RLN1: variants seen among roughly 807,000 people sequenced by gnomAD.
RLN1 encodes prorelaxin H1.
In RLN1, 4 loss-of-function variants were observed where a neutral mutation model predicts 7.2. The observed-to-expected ratio is 0.56, with a 90% CI of 0.28 to 1.28. The LOEUF is 1.28. Among genes scored for constraint, RLN1 ranks in the 50% most tolerant of loss-of-function variants. The pLI is 0.11. For missense variants in RLN1, 293 were observed against 221.1 expected (o/e 1.32, Z -2.06); for synonymous variants, 105 against 86.0 (o/e 1.22, Z -1.22).
At chr9:5,337,363 G>T (rs1816918267) in intron 1 of RLN1, among the ~76,000 whole-genome samples, 1 of 151,952 alleles carries the variant, frequency 6.6e-6, no homozygotes, top group African/African-American at 2.4e-5. Flanking sequence ...TTTTAAACCT[G>T]TTTTGAAATA....
Position 5,339,651 on chromosome 9 carries a change from A to G in RLN1, c.96T>C (p.Ile32=), listed in dbSNP as rs760998724. 4 of 1,612,924 alleles carry G rather than the reference A, an allele frequency of 2.5e-6. No individual in the cohort carries two copies. The East Asian group carries it at 8.9e-5, about 36-fold the overall frequency. ...GAACTAATTCGCGGCCGCATAATTT[A>G]ATAACATCGTCCTTCCATTTGGCCG... ...AVAAKWKDDV[I]KLCGRELVRA... Residue 32 remains isoleucine, a synonymous_variant, in exon 1 of 2, where the codon ATT becomes ATC. Transcript: ENST00000223862.
chr9:5,339,696 G>C lies in RLN1; in HGVS notation c.51C>G (p.Asn17Lys). Reference protein sequence around the residue: ...FHLLEFCLLLNQFSRAVAAKW... With the variant: ...FHLLEFCLLLKQFSRAVAAKW... ...TGGCCGCGACTGCTCTGGAAAATTGGTTCAGTAGTAAACAGAATTCTAGCA... is the reference window on the plus strand; with the variant it reads ...TGGCCGCGACTGCTCTGGAAAATTGCTTCAGTAGTAAACAGAATTCTAGCA... The change falls in exon 1 of 2, where the codon AAC becomes AAG. Residue 17 changes from asparagine to lysine, a missense_variant. Asn to Lys is a moderately conservative substitution (Grantham distance 94). Coordinates refer to ENST00000223862, the MANE Select transcript of RLN1 (RefSeq NM_006911.4). The C allele has an allele frequency of 6.2e-7, 1 of 1,613,286 alleles. No individual in the cohort carries two copies. The highest frequency in any genetic ancestry group is 8.5e-7 in the Non-Finnish European group (1 of 1,180,032).
upstream of RLN1, among the ~76,000 whole-genome samples, chr9:5,340,531 G>C (rs1816970467): frequency 6.6e-6 from 1 of 152,080 alleles, no homozygotes; most frequent in South Asian, 2.1e-4. Flanking sequence ...CACAGAGAGA[G>C]AGAAAGAGAG....
chr9:5,339,977 C>G (rs1816959731), upstream of RLN1: 1 of 574,540 alleles, frequency 1.7e-6, no homozygotes, highest in Non-Finnish European at 3.1e-6. Flanking sequence ...CTTGTTCTGC[C>G]TCTCCGCCCT....
Position 5,339,735 on chromosome 9 carries a change from C to T in RLN1, c.12G>A (p.Leu4=), listed in dbSNP as rs751960733. The change falls in exon 1 of 2, where the codon CTG becomes CTA. Residue 4 remains leucine, a synonymous_variant. Transcript: ENST00000223862. MPR[L]FLFHLLEFCL... is the part of the protein sequence containing the mutation. ...AGAATTCTAGCAGGTGGAACAAGAA[C>T]AGGCGAGGCATCCTGGGCCTGGTCT... 1 of 1,613,488 alleles carries T rather than the reference C, an allele frequency of 6.2e-7. No individual in the cohort carries two copies. The highest frequency in any genetic ancestry group is 1.3e-5 in the African/African-American group (1 of 74,356).
chr9:5,339,803 G>A lies in RLN1; in HGVS notation c.-57C>T. On this transcript the variant is annotated 5_prime_UTR_variant, in exon 1 of 2. Coordinates refer to ENST00000223862, the MANE Select transcript of RLN1 (RefSeq NM_006911.4). ...GTTGCAGCCTTTCAGGACTGCGGCT[G>A]CTGTGGCCTACACACCTGGGCCTGT... 1 of 1,569,658 alleles carries A rather than the reference G, an allele frequency of 6.4e-7. No homozygotes were observed. Among genetic ancestry groups the A allele is most frequent in the Non-Finnish European group, 8.8e-7 (1 of 1,142,412 alleles).
At position 5,335,324 on chromosome 9, in the gene RLN1, C is replaced by G; in HGVS notation, c.485G>C (p.Arg162Pro). ...TTTCTCAAACAGTGCCACGTAGGGT[C>G]GTCTCTTTTTTTGAGAATGAGTATC... is the stretch of plus-strand genomic sequence containing the variant. ...GLDTHSQKKR[R>P]PYVALFEKCC... The change falls in exon 2 of 2, where the codon CGA becomes CCA. Residue 162 changes from arginine to proline, a missense_variant. By Grantham distance (103) the Arg-to-Pro change is moderately radical. Coordinates refer to ENST00000223862, the MANE Select transcript of RLN1 (RefSeq NM_006911.4). 2 of 1,611,834 alleles carry G rather than the reference C, an allele frequency of 1.2e-6. No homozygotes were observed. The highest frequency in any genetic ancestry group is 1.7e-6 in the Non-Finnish European group (2 of 1,179,312).
At position 5,335,032 on chromosome 9, in the gene RLN1, A is replaced by G; in HGVS notation, c.*219T>C. On this transcript the variant is annotated 3_prime_UTR_variant, in exon 2 of 2. Transcript: ENST00000223862. ...CATTAAAAAGAATCAACACAATTAT[A>G]CTGTTAATAAAAAGACAAAAAGACT... The G allele has an allele frequency of 2.3e-6, 1 of 443,466 alleles. No individual in the cohort carries two copies. Among genetic ancestry groups the G allele is most frequent in the Non-Finnish European group, 3.9e-6 (1 of 254,812 alleles). 27.5% of individuals were successfully genotyped at this position (443,466 alleles called of 1,614,324 possible).
rs1369588539 is a variant in RLN1 at position 5,335,585 on chromosome 9, G to T, written c.224C>A (p.Ser75Tyr). 6.2e-7 allele frequency: 1 copy of T among 1,603,238 alleles called. No individual in the cohort carries two copies. ...TPRPVAEIVPSFINKDTETII... is the reference protein window; with the variant it reads ...TPRPVAEIVPYFINKDTETII... ...AGTTTCTGTATCTTTGTTGATGAAG[G>T]ATGGTACAATTTCTGTTAAGTTTAA... Residue 75 changes from serine to tyrosine, a missense_variant, in exon 2 of 2, where the codon TCC (serine) becomes TAC (tyrosine). Transcript: ENST00000223862.
At chr9:5,337,384 C>T (rs1006328749) in intron 1 of RLN1, among the ~76,000 whole-genome samples, 2 of 151,862 alleles carry the variant, frequency 1.3e-5, no homozygotes, top group African/African-American at 4.8e-5. Context: ...TTTCATAATC[C>T]ATAACACTTT....
chr9:5,337,686 A>G (rs1184906376), intron 1 of RLN1, among the ~76,000 whole-genome samples: 2 of 152,040 alleles, frequency 1.3e-5, no homozygotes, highest in Non-Finnish European at 2.9e-5. Flanking sequence ...CCTACCTAGT[A>G]ACGGTAAACA....
At chr9:5,339,940 C>T (rs1325575143), upstream of RLN1, 8 of 613,288 alleles carry the variant, frequency 1.3e-5, no homozygotes, top group African/African-American at 1.3e-4. Context: ...TTTCCCACAC[C>T]CCTCCACAGA....
chr9:5,337,969 G>A (rs1415784595), intron 1 of RLN1, among the ~76,000 whole-genome samples: 2 of 151,856 alleles, frequency 1.3e-5, no homozygotes, highest in African/African-American at 4.8e-5. Context: ...TATGTTTTGG[G>A]ATAATAACAA....
At position 5,339,531 on chromosome 9, in the gene RLN1, C is replaced by G; in HGVS notation, c.211+5G>C. The stretch of plus-strand genomic sequence containing the variant: ...GGAAGGCCGGGAGGGGGCGGGAGCT[C>G]TCACCTGCCACTGGTCTAGGTGTCT... On this transcript the variant is annotated splice_donor_5th_base_variant and intron_variant, in intron 1 of 1. Transcript: ENST00000223862. The G allele has an allele frequency of 1.3e-6, 2 of 1,562,420 alleles. No homozygotes were observed. Among genetic ancestry groups the G allele is most frequent in the Non-Finnish European group, 1.7e-6 (2 of 1,155,602 alleles).
Position 5,335,585 on chromosome 9 carries a change from G to A in RLN1, c.224C>T (p.Ser75Phe). ...TPRPVAEIVP[S>F]FINKDTETII... ...AGTTTCTGTATCTTTGTTGATGAAG[G>A]ATGGTACAATTTCTGTTAAGTTTAA... Residue 75 changes from serine to phenylalanine, a missense_variant, in exon 2 of 2, where the codon TCC becomes TTC. Ser to Phe is a radical substitution (Grantham distance 155). Coordinates refer to ENST00000223862, the MANE Select transcript of RLN1 (RefSeq NM_006911.4). The A allele has an allele frequency of 6.2e-7, 1 of 1,603,240 alleles. No homozygotes were observed. The highest frequency in any genetic ancestry group is 8.5e-7 in the Non-Finnish European group (1 of 1,172,992).
At chr9:5,339,918 C>G, upstream of RLN1, 1 of 652,864 alleles carries the variant, frequency 1.5e-6, no homozygotes, top group Non-Finnish European at 2.7e-6. Context: ...GCAAGGTTGC[C>G]AGCTCCACCC....
At position 5,335,840 on chromosome 9, in the gene RLN1, T is replaced by G. The variant is rs4278200; in HGVS notation, c.212-243A>C. Among the ~76,000 whole-genome samples, 1,196 of 152,140 alleles carry G rather than the reference T, an allele frequency of 7.9e-3. 34 individuals are homozygous for G. Among genetic ancestry groups the G allele is most frequent in the African/African-American group, 0.028 (1,152 of 41,464 alleles). On this transcript the variant is annotated intron_variant, in intron 1 of 1. Transcript: ENST00000223862. ...TTGGTCCTCTCTCGTCTCTCTTCATTATCCCCTCAGTGCTTTTATCATAGT... is the reference window on the plus strand; with the variant it reads ...TTGGTCCTCTCTCGTCTCTCTTCATGATCCCCTCAGTGCTTTTATCATAGT...
In RLN1 at chr9:5,335,353, G is replaced by C. The variant is rs1563754047; in HGVS notation, c.456C>G (p.Gly152=). The change falls in exon 2 of 2, where the codon GGC becomes GGG. Residue 152 remains glycine, a synonymous_variant. Coordinates refer to ENST00000223862, the MANE Select transcript of RLN1 (RefSeq NM_006911.4). The stretch of plus-strand genomic sequence containing the variant: ...TCTTTTTTTGAGAATGAGTATCCAA[G>C]CCTAAGTATTTTAATTCTGAAGGAT... The part of the protein sequence containing the change: ...DSNPSELKYL[G]LDTHSQKKRR... The C allele has an allele frequency of 1.9e-6, 3 of 1,613,426 alleles. No individual in the cohort carries two copies. Among genetic ancestry groups the C allele is most frequent in the Admixed American group, 3.3e-5 (2 of 59,990 alleles).
At chr9:5,335,646 G>C (rs1226643323) in intron 1 of RLN1, 49 bp from the exon 2 acceptor site, 1 of 1,144,506 alleles carries the variant, frequency 8.7e-7, no homozygotes, top group Non-Finnish European at 1.3e-6. Flanking sequence ...TCACGTCAAA[G>C]AGCATTCAGA....
Sources: gnomAD v4.1 joint callset for allele counts (sites outside exome capture counted in the v4.1 genomes callset) on GRCh38, gnomAD v4.1.1 for gene constraint, MANE v1.5 for transcripts, NCBI Gene and HGNC (gene_info 2026-07-23, HGNC 2026-07-21) for gene names.